Variants in LRFN5 observed in about 807,000 individuals in gnomAD.
The protein encoded by LRFN5 is leucine-rich repeat and fibronectin type-III domain-containing protein 5.
Under a neutral mutation model 45.6 loss-of-function variants are expected in LRFN5, and 24 were observed. The ratio of observed to expected loss-of-function variants is 0.53; its 90% CI spans 0.38 to 0.74. LRFN5 has a LOEUF of 0.74. Ranked by LOEUF, LRFN5 falls within the 30% of genes least tolerant of loss-of-function variation. The probability of loss-of-function intolerance (pLI) is 0.00; values close to 1 mark genes in which losing one functional copy is unlikely to be tolerated. For missense variants in LRFN5, 776 were observed against 861.5 expected, an observed-to-expected ratio of 0.90 and a Z score of 1.24; for synonymous variants, 340 against 313.8, an observed-to-expected ratio of 1.08 and a Z score of -0.88.
At chr14:41,631,289 C>T (rs1008916792) in intron 1 of LRFN5, among the ~76,000 whole-genome samples, 40 of 152,018 alleles carry the variant, frequency 2.6e-4, no homozygotes, top group Non-Finnish European at 4.4e-5. Context: ...TGGGCTTGTT[C>T]TTCCTGGAAC....
rs199612375 is a variant in LRFN5 at position 41,787,712 on chromosome 14, CT to C, written c.-21+20691del. Among the ~76,000 whole-genome samples the C allele has an allele frequency of 8.1e-3, 1,233 of 151,712 alleles. 21 individuals are homozygous for C. The highest frequency in any genetic ancestry group is 0.028 in the African/African-American group (1,158 of 41,416). On this transcript the variant is annotated intron_variant, in intron 2 of 5. Coordinates refer to ENST00000298119, the MANE Select transcript of LRFN5 (RefSeq NM_152447.5). The stretch of plus-strand genomic sequence containing the variant: ...TTGTTTTTTCATTACGGGAATATAA[CT>C]TTTTTTTCCTATTGCTATTTGTATT...
intron 2 of LRFN5, among the ~76,000 whole-genome samples, chr14:41,773,770 T>C (rs967523541): frequency 1.1e-4 from 17 of 152,352 alleles, no homozygotes; most frequent in African/African-American, 3.8e-4. Flanking sequence ...AATGCAAATA[T>C]ACTTATTAGA....
intron 2 of LRFN5, among the ~76,000 whole-genome samples, chr14:41,858,417 A>C (rs369817441): frequency 9.8e-4 from 149 of 151,904 alleles, no homozygotes; most frequent in African/African-American, 3.5e-3. Context: ...CCCATAATAC[A>C]TCCCTTTTTT....
At chr14:41,789,393 G>A (rs1886839021) in intron 2 of LRFN5, among the ~76,000 whole-genome samples, 1 of 151,998 alleles carries the variant, frequency 6.6e-6, no homozygotes, top group Non-Finnish European at 1.5e-5. Context: ...GAAATGGCAA[G>A]TAAGCTGGAG....
intron 2 of LRFN5, among the ~76,000 whole-genome samples, chr14:41,883,224 TATA>T (rs1890449572): frequency 6.6e-6 from 1 of 152,016 alleles, no homozygotes; most frequent in Non-Finnish European, 1.5e-5. Flanking sequence ...TTCCAAAGAT[TATA>T]ATGTTACTAT....
At chr14:41,883,034 A>G (rs1195650175) in intron 2 of LRFN5, among the ~76,000 whole-genome samples, 1 of 151,636 alleles carries the variant, frequency 6.6e-6, no homozygotes, top group East Asian at 1.9e-4. Flanking sequence ...TTTTTAGTAG[A>G]GACGGGGTTT....
chr14:41,784,496 A>G (rs1886645964), intron 2 of LRFN5, among the ~76,000 whole-genome samples: 1 of 151,878 alleles, frequency 6.6e-6, no homozygotes, highest in Non-Finnish European at 1.5e-5. Flanking sequence ...TCTTCCTCGC[A>G]AAGACTCTCT....
intron 1 of LRFN5, among the ~76,000 whole-genome samples, chr14:41,713,000 T>C (rs1883348604): frequency 1.3e-5 from 2 of 151,994 alleles, no homozygotes; most frequent in African/African-American, 4.8e-5. Context: ...AATAAAAGCC[T>C]GTGGTATTAA....
intron 1 of LRFN5, among the ~76,000 whole-genome samples, chr14:41,733,152 G>A (rs73311025): frequency 0.045 from 6,809 of 152,032 alleles, 338 homozygotes; most frequent in African/African-American, 0.12. Flanking sequence ...GGAGCAGAGA[G>A]AATGTTTGAA....
intron 2 of LRFN5, among the ~76,000 whole-genome samples, chr14:41,871,682 A>C (rs778944836): frequency 6.6e-6 from 1 of 152,074 alleles, no homozygotes; most frequent in Non-Finnish European, 1.5e-5. Context: ...GTATCTATCC[A>C]TTATATCCTC....
At chr14:41,879,916 CTTTTTTTTTT>C (rs34553310) in intron 2 of LRFN5, among the ~76,000 whole-genome samples, 3 of 56,472 alleles carry the variant, frequency 5.3e-5, no homozygotes, top group South Asian at 9.5e-4. Context: ...TCAATTTTTC[CTTTTTTTTTT>C]TTTTTTTTTT....
intron 1 of LRFN5, among the ~76,000 whole-genome samples, chr14:41,680,367 C>T (rs1359921069): frequency 6.6e-6 from 1 of 152,118 alleles, no homozygotes; most frequent in Non-Finnish European, 1.5e-5. Context: ...TGGTGGTGGC[C>T]AGAGGGGTGC....
At chr14:41,873,762 T>C (rs1284043652) in intron 2 of LRFN5, among the ~76,000 whole-genome samples, 1 of 152,202 alleles carries the variant, frequency 6.6e-6, no homozygotes, top group African/African-American at 2.4e-5. Flanking sequence ...AATTCTGTCA[T>C]AGAGCATCTC....
chr14:41,875,228 C>T (rs933959634), intron 2 of LRFN5, among the ~76,000 whole-genome samples: 6 of 152,254 alleles, frequency 3.9e-5, no homozygotes, highest in African/African-American at 1.4e-4. Context: ...TTCCCACTTA[C>T]TTCTGCACAT....
chr14:41,814,163 C>A (rs1203668582), intron 2 of LRFN5, among the ~76,000 whole-genome samples: 1 of 152,000 alleles, frequency 6.6e-6, no homozygotes, highest in Non-Finnish European at 1.5e-5. Context: ...CTCTTCAGTT[C>A]TTTAGATCCC....
At chr14:41,748,614 C>T (rs1885013222) in intron 1 of LRFN5, among the ~76,000 whole-genome samples, 1 of 151,934 alleles carries the variant, frequency 6.6e-6, no homozygotes. Context: ...GTACACAATA[C>T]TACTAAATTG....
chr14:41,740,786 A>T (rs1271406345), intron 1 of LRFN5, among the ~76,000 whole-genome samples: 1 of 152,038 alleles, frequency 6.6e-6, no homozygotes, highest in African/African-American at 2.4e-5. Context: ...TGAAATTGGC[A>T]TCAGGTTTGC....
chr14:41,694,472 T>G (rs907960606), intron 1 of LRFN5, among the ~76,000 whole-genome samples: 35 of 152,002 alleles, frequency 2.3e-4, no homozygotes, highest in Admixed American at 2.1e-3. Flanking sequence ...TATTTCACTA[T>G]GCATAGTGTT....
intron 1 of LRFN5, among the ~76,000 whole-genome samples, chr14:41,737,791 G>A (rs1300001700): frequency 6.6e-6 from 1 of 151,976 alleles, no homozygotes; most frequent in Non-Finnish European, 1.5e-5. Flanking sequence ...AACTTACAAG[G>A]GATGTGAAGG....
Sources: allele counts gnomAD v4.1 joint callset (sites outside exome capture counted in the v4.1 genomes callset), GRCh38; gene constraint gnomAD v4.1.1; transcripts MANE v1.5; gene names NCBI Gene and HGNC (gene_info 2026-07-23, HGNC 2026-07-21).